The following TRAPPC9 variants were observed in gnomAD, a reference collection of about 807,000 sequenced individuals.
The protein encoded by TRAPPC9 is trafficking protein particle complex subunit 9, also known as IKK2 binding protein.
A neutral mutation model predicts 124.0 loss-of-function variants in TRAPPC9; 83 were observed. The ratio of observed to expected loss-of-function variants is 0.67; its 90% CI spans 0.56 to 0.80. TRAPPC9 has a LOEUF of 0.80. Among genes scored for constraint, TRAPPC9 ranks in the 30% least tolerant of loss-of-function variants. The pLI is 0.00. For missense variants in TRAPPC9, 1,302 were observed against 1,508.3 expected (o/e 0.86, Z 2.27); for synonymous variants, 638 against 617.5 (o/e 1.03, Z -0.49).
intron 17 of TRAPPC9, among the ~76,000 whole-genome samples, chr8:140,035,279 T>C (rs1175274838): frequency 6.6e-6 from 1 of 152,226 alleles, no homozygotes. Context: ...ATACTGCTGA[T>C]CTTCAATATT....
intron 9 of TRAPPC9, among the ~76,000 whole-genome samples, chr8:140,334,784 A>C (rs1481720631): frequency 6.6e-6 from 1 of 152,154 alleles, no homozygotes; most frequent in Non-Finnish European, 1.5e-5. Flanking sequence ...GGAGTCTGTA[A>C]TCTAGTGAGG....
chr8:140,134,543 G>C (rs4736019), intron 17 of TRAPPC9, among the ~76,000 whole-genome samples: 143,655 of 152,220 alleles, frequency 0.94, 67,894 homozygotes, highest in East Asian at 1. Context: ...GGATTACATG[G>C]TTGGCCAGCC....
chr8:140,157,366 C>CAAA lies in TRAPPC9; in HGVS notation c.2556+64092_2556+64093insTTT, dbSNP rs1325655057. On this transcript the variant is annotated intron_variant, in intron 17 of 22. Coordinates refer to ENST00000438773, the MANE Select transcript of TRAPPC9 (RefSeq NM_001160372.4). ...CATTCAGAAGCCTCCCTTTTCCATT[C>CAAA]AGAAGCCTCCCTTTTCCATTCAAAA... is the stretch of plus-strand genomic sequence containing the variant. 8.7e-5 allele frequency among the ~76,000 whole-genome samples: 11 copies of CAAA among 126,190 alleles called. 2 individuals are homozygous for CAAA. Among genetic ancestry groups the CAAA allele is most frequent in the African/African-American group, 1.6e-4 (5 of 31,816 alleles). The allele number at this position is 126,190 out of a possible 152,430, so 82.8% of individuals were successfully genotyped here.
At chr8:139,977,971 G>A (rs191231116) in intron 19 of TRAPPC9, among the ~76,000 whole-genome samples, 6 of 152,108 alleles carry the variant, frequency 3.9e-5, no homozygotes, top group Middle Eastern at 3.4e-3. Context: ...GTGAGCCACC[G>A]CACCCAGCCT....
chr8:139,799,227 T>C (rs73362193), intron 21 of TRAPPC9, among the ~76,000 whole-genome samples: 10,551 of 152,020 alleles, frequency 0.069, 451 homozygotes, highest in East Asian at 0.14. Flanking sequence ...TTTTTTTTTC[T>C]AATAGCAGTG....
intron 17 of TRAPPC9, among the ~76,000 whole-genome samples, chr8:140,036,070 G>A (rs1840855266): frequency 6.6e-6 from 1 of 152,204 alleles, no homozygotes; most frequent in Non-Finnish European, 1.5e-5. Context: ...TGGCTACGAG[G>A]GTCCATGTGG....
At chr8:139,769,398 G>C (rs1417890041) in intron 21 of TRAPPC9, among the ~76,000 whole-genome samples, 2 of 152,250 alleles carry the variant, frequency 1.3e-5, no homozygotes, top group South Asian at 2.1e-4. Context: ...GCTCAGGGTG[G>C]GGAATGTGCA....
rs576026929 is a variant in TRAPPC9, at chr8:139,751,909, C to T, written c.3056-19707G>A. Among the ~76,000 whole-genome samples the T allele has an allele frequency of 3.9e-5, 6 of 151,916 alleles. No individual in the cohort carries two copies. The East Asian group carries it at 1.2e-3, about 30-fold the overall frequency. On this transcript the variant is annotated intron_variant, in intron 21 of 22. Transcript: ENST00000438773. ...ATCCATCCATCCATCAATCCACCAT[C>T]CATCCACCATCCATCTATCCACCAT...
chr8:140,378,729 T>C (rs1376629430), intron 7 of TRAPPC9, among the ~76,000 whole-genome samples: 1 of 152,212 alleles, frequency 6.6e-6, no homozygotes, highest in African/African-American at 2.4e-5. Flanking sequence ...GGATCTTGGC[T>C]TTACACATGG....
chr8:139,955,909 T>C (rs757435082), intron 19 of TRAPPC9, among the ~76,000 whole-genome samples: 5 of 152,230 alleles, frequency 3.3e-5, no homozygotes, highest in Non-Finnish European at 5.9e-5. Context: ...CCATCCAGCA[T>C]GACTGCCCCA....
intron 19 of TRAPPC9, among the ~76,000 whole-genome samples, chr8:139,963,368 C>T (rs527849979): frequency 1.2e-4 from 18 of 152,270 alleles, no homozygotes; most frequent in African/African-American, 3.8e-4. Context: ...TAACCCTAGG[C>T]TTCCCAAGGA....
Position 140,011,329 on chromosome 8 carries a change from A to G in TRAPPC9, c.2699+12608T>C, listed in dbSNP as rs191774697. On this transcript the variant is annotated intron_variant, in intron 18 of 22. Coordinates refer to ENST00000438773, the MANE Select transcript of TRAPPC9 (RefSeq NM_001160372.4). ...TGCACTCCAGCCTGGGCAACAGAGC[A>G]AGGGTCAGTCTCGAAAAATTTAAAA... Among the ~76,000 whole-genome samples, 157 of 151,738 alleles carry G rather than the reference A, an allele frequency of 1.0e-3. 1 individual carries two copies. Among genetic ancestry groups the G allele is most frequent in the African/African-American group, 3.4e-3 (142 of 41,432 alleles).
At chr8:140,275,569 G>C (rs2065086143) in intron 15 of TRAPPC9, 89 bp downstream of exon 15, 2 of 1,450,926 alleles carry the variant, frequency 1.4e-6, no homozygotes, top group South Asian at 2.3e-5. Context: ...GAAGTTTTTA[G>C]ATTCTCTGAA....
In TRAPPC9 at chr8:139,984,471, G is replaced by A. The variant is rs974062564; in HGVS notation, c.2810+4255C>T. 2.0e-5 allele frequency among the ~76,000 whole-genome samples: 3 copies of A among 151,946 alleles called. No individual in the cohort carries two copies. The highest frequency in any genetic ancestry group is 4.4e-5 in the Non-Finnish European group (3 of 67,946). ...TGGGGGTGGGGGGCCGGGGGGTGGTGGCAGGGGTGCCTCCTCGTAGGGGAA... is the reference window on the plus strand; with the variant it reads ...TGGGGGTGGGGGGCCGGGGGGTGGTAGCAGGGGTGCCTCCTCGTAGGGGAA... On this transcript the variant is annotated intron_variant, in intron 19 of 22. Coordinates refer to ENST00000438773, the MANE Select transcript of TRAPPC9 (RefSeq NM_001160372.4). This position sits in a 1 kb window ranked among gnomAD's most constrained non-coding sequence, Gnocchi z 4.3.
intron 10 of TRAPPC9, among the ~76,000 whole-genome samples, chr8:140,308,235 C>A (rs780464936): frequency 1.3e-5 from 2 of 151,762 alleles, no homozygotes; most frequent in African/African-American, 2.4e-5. Flanking sequence ...AGGGCGCTCA[C>A]AATCAAAGCT....
chr8:139,979,699 CCA>C (rs377082109), intron 19 of TRAPPC9, among the ~76,000 whole-genome samples: 3 of 152,254 alleles, frequency 2.0e-5, no homozygotes, highest in African/African-American at 4.8e-5. Context: ...TCCAAGAGAC[CCA>C]CAGTGTCGAG....
intron 19 of TRAPPC9, among the ~76,000 whole-genome samples, chr8:139,982,845 C>G (rs770176406): frequency 1.3e-5 from 2 of 152,154 alleles, no homozygotes; most frequent in Non-Finnish European, 2.9e-5. Flanking sequence ...CTCTAATATT[C>G]ACAGTCTATG....
rs983050138 is a variant in TRAPPC9, at chr8:139,947,903, T to G, written c.2811-37603A>C. 2.7e-4 allele frequency among the ~76,000 whole-genome samples: 7 copies of G among 25,486 alleles called. 1 individual carries two copies. In the East Asian group the frequency reaches 9.7e-3, roughly 35 times the overall value. The allele number at this position is 25,486 out of a possible 152,430, so 16.7% of individuals were successfully genotyped here. ...AAAAAGAAATATGTGTGTATATATA[T>G]ATATAGAGAGAGAGAGAGAGCGAGA... On this transcript the variant is annotated intron_variant, in intron 19 of 22. Transcript: ENST00000438773.
intron 21 of TRAPPC9, among the ~76,000 whole-genome samples, chr8:139,745,104 C>T (rs1346419884): frequency 4.6e-5 from 7 of 152,170 alleles, no homozygotes; most frequent in Non-Finnish European, 7.4e-5. Flanking sequence ...GGATGGTGGC[C>T]GTGGCTGCCT....
Sources: gnomAD v4.1 joint callset for allele counts (sites outside exome capture counted in the v4.1 genomes callset) on GRCh38, gnomAD v4.1.1 for gene constraint, Gnocchi (gnomAD v3.1) non-coding constraint, MANE v1.5 for transcripts, NCBI Gene and HGNC (gene_info 2026-07-23, HGNC 2026-07-21) for gene names.